DOCK3: variants seen among roughly 807,000 people sequenced by gnomAD.
The protein encoded by DOCK3 is dedicator of cytokinesis protein 3.
A neutral mutation model predicts 265.6 loss-of-function variants in DOCK3; 60 were observed. The observed-to-expected ratio is 0.23, with a 90% CI of 0.18 to 0.28. DOCK3 has a LOEUF of 0.28. Ranked by LOEUF, DOCK3 falls within the 10% of genes least tolerant of loss-of-function variation. The probability of loss-of-function intolerance (pLI) is 1.00; values close to 1 mark genes in which losing one functional copy is unlikely to be tolerated. For synonymous variants in DOCK3, 881 were observed against 938.0 expected, an observed-to-expected ratio of 0.94 and a Z score of 1.11; for missense variants, 1,981 against 2,594.3, an observed-to-expected ratio of 0.76 and a Z score of 5.14.
chr3:51,127,688 C>T (rs576457072), intron 9 of DOCK3, among the ~76,000 whole-genome samples: 1 of 152,318 alleles, frequency 6.6e-6, no homozygotes, highest in East Asian at 1.9e-4. Context: ...TGCAGCTGGT[C>T]ATGTGGTCAT....
intron 43 of DOCK3, 90 bp downstream of exon 43, chr3:51,356,583 G>T: frequency 7.3e-7 from 1 of 1,373,002 alleles, no homozygotes; most frequent in South Asian, 1.2e-5. Flanking sequence ...AAGAAAAAGA[G>T]AGCGTCGGCC....
chr3:51,134,817 A>G (rs941529584), intron 9 of DOCK3, among the ~76,000 whole-genome samples: 7 of 152,160 alleles, frequency 4.6e-5, no homozygotes, highest in African/African-American at 1.7e-4. Flanking sequence ...CAGATAAAGC[A>G]TGGGCTTTGA....
intron 4 of DOCK3, among the ~76,000 whole-genome samples, chr3:50,906,181 A>G (rs2049484840): frequency 6.6e-6 from 1 of 151,746 alleles, no homozygotes; most frequent in Non-Finnish European, 1.5e-5. Flanking sequence ...TTTATTGAGG[A>G]TTTTTGCATC....
intron 1 of DOCK3, among the ~76,000 whole-genome samples, chr3:50,765,353 G>A (rs1349581513): frequency 2.0e-5 from 3 of 151,974 alleles, no homozygotes; most frequent in Admixed American, 1.3e-4. Flanking sequence ...CAAAGTGCTG[G>A]GATTACAGGC....
intron 27 of DOCK3, among the ~76,000 whole-genome samples, chr3:51,309,691 A>G (rs1371086786): frequency 6.6e-6 from 1 of 152,082 alleles, no homozygotes; most frequent in Non-Finnish European, 1.5e-5. Context: ...GGACTCATCC[A>G]TTTTTCTTGA....
intron 12 of DOCK3, among the ~76,000 whole-genome samples, chr3:51,186,661 C>A (rs2087620506): frequency 6.6e-6 from 1 of 152,154 alleles, no homozygotes; most frequent in Non-Finnish European, 1.5e-5. Context: ...TCCAGGGTTC[C>A]CCACACTGTG....
chr3:50,906,011 T>C (rs1414420423), intron 4 of DOCK3, among the ~76,000 whole-genome samples: 11 of 152,076 alleles, frequency 7.2e-5, no homozygotes, highest in Non-Finnish European at 1.0e-4. Context: ...TCTGCATCTA[T>C]TGAGATAATC....
At chr3:50,955,228 T>A (rs1215749769) in intron 5 of DOCK3, among the ~76,000 whole-genome samples, 1 of 152,190 alleles carries the variant, frequency 6.6e-6, no homozygotes, top group Non-Finnish European at 1.5e-5. Context: ...ACTTACACAC[T>A]GTTGGTGGGA....
At chr3:51,185,334 A>T (rs1420554008) in intron 12 of DOCK3, among the ~76,000 whole-genome samples, 1 of 152,104 alleles carries the variant, frequency 6.6e-6, no homozygotes, top group Non-Finnish European at 1.5e-5. Context: ...TTTTTCTGTG[A>T]CTCTAAAATT....
intron 9 of DOCK3, among the ~76,000 whole-genome samples, chr3:51,094,463 T>G (rs997710512): frequency 1.3e-4 from 20 of 152,296 alleles, no homozygotes; most frequent in African/African-American, 4.8e-4. Flanking sequence ...GTAGAGATAT[T>G]TATAGTATTC....
intron 5 of DOCK3, among the ~76,000 whole-genome samples, chr3:50,940,697 G>A (rs1443326018): frequency 1.3e-5 from 2 of 152,166 alleles, no homozygotes; most frequent in Non-Finnish European, 2.9e-5. Flanking sequence ...TTACTGTACA[G>A]TAATCAAGGC....
At chr3:51,152,273 C>T (rs2085638477) in intron 10 of DOCK3, among the ~76,000 whole-genome samples, 1 of 152,032 alleles carries the variant, frequency 6.6e-6, no homozygotes, top group Non-Finnish European at 1.5e-5. Flanking sequence ...TTTTCTTCCA[C>T]TTGATCAAAT....
At chr3:51,367,305 T>C (rs1386455804) in intron 49 of DOCK3, among the ~76,000 whole-genome samples, 1 of 152,240 alleles carries the variant, frequency 6.6e-6, no homozygotes, top group East Asian at 1.9e-4. Flanking sequence ...GAGACGAGGA[T>C]TGCAATCCCT....
intron 9 of DOCK3, among the ~76,000 whole-genome samples, chr3:51,129,218 C>T (rs1026973302): frequency 1.3e-5 from 2 of 152,236 alleles, no homozygotes; most frequent in African/African-American, 4.8e-5. Flanking sequence ...GTTCTGCCCA[C>T]TGGGAAAATT....
chr3:50,809,471 G>T (rs2043614077), intron 2 of DOCK3, among the ~76,000 whole-genome samples: 1 of 152,170 alleles, frequency 6.6e-6, no homozygotes, highest in Non-Finnish European at 1.5e-5. Context: ...TACTGATGGT[G>T]GGGAAAATGT....
In DOCK3 at chr3:51,131,575, C is replaced by G. The variant is rs1292941485; in HGVS notation, c.747-14974C>G. Among the ~76,000 whole-genome samples the G allele has an allele frequency of 2.0e-5, 3 of 152,192 alleles. No individual in the cohort carries two copies. The East Asian group carries it at 5.8e-4, about 29-fold the overall frequency. On this transcript the variant is annotated intron_variant, in intron 9 of 52. Transcript: ENST00000266037. The stretch of plus-strand genomic sequence containing the variant: ...CTCTGTTTTTATAATTCAAACAAGT[C>G]TTTTATCCGTTCAACCTAGAAATTT...
chr3:50,913,479 G>A (rs568987316), intron 4 of DOCK3, among the ~76,000 whole-genome samples: 54 of 152,066 alleles, frequency 3.6e-4, no homozygotes, highest in Non-Finnish European at 5.6e-4. Flanking sequence ...TAGGTGTCAC[G>A]CACCTCTCCA....
At chr3:51,013,776 A>G (rs1575759328) in intron 5 of DOCK3, among the ~76,000 whole-genome samples, 1 of 152,138 alleles carries the variant, frequency 6.6e-6, no homozygotes, top group African/African-American at 2.4e-5. Flanking sequence ...CTGTCCCCAG[A>G]AGTGGAATCT....
chr3:51,215,400 G>A (rs985666602), intron 14 of DOCK3, among the ~76,000 whole-genome samples: 1 of 152,254 alleles, frequency 6.6e-6, no homozygotes, highest in South Asian at 2.1e-4. Flanking sequence ...CAAAGTGCTG[G>A]GATTACAGGC....
Sources: gnomAD v4.1 joint callset for allele counts (sites outside exome capture counted in the v4.1 genomes callset) on GRCh38, gnomAD v4.1.1 for gene constraint, MANE v1.5 for transcripts, NCBI Gene and HGNC (gene_info 2026-07-23, HGNC 2026-07-21) for gene names.